BICC1: variants seen among roughly 807,000 people sequenced by gnomAD.
BICC1 encodes protein bicaudal C homolog 1.
BICC1 carries 43 observed loss-of-function variants against 111.0 expected under a neutral mutation model. The observed-to-expected ratio is 0.39, with a 90% CI of 0.30 to 0.50. The LOEUF (loss-of-function observed/expected upper bound fraction) is 0.50, where lower values mean the gene tolerates loss of function less well. Among genes scored for constraint, BICC1 ranks in the 20% least tolerant of loss-of-function variants. The pLI is 0.88. For synonymous variants in BICC1, 467 were observed against 434.4 expected, an observed-to-expected ratio of 1.07 and a Z score of -0.93; for missense variants, 1,091 against 1,203.2, an observed-to-expected ratio of 0.91 and a Z score of 1.38.
chr10:58,646,796 T>TA (rs1388430240), intron 2 of BICC1, among the ~76,000 whole-genome samples: 1 of 151,806 alleles, frequency 6.6e-6, no homozygotes, highest in Non-Finnish European at 1.5e-5. Context: ...TTCCTGATTT[T>TA]TTTTAAATTA....
chr10:58,826,031 T>C (rs1844384848), intron 20 of BICC1, among the ~76,000 whole-genome samples: 1 of 152,064 alleles, frequency 6.6e-6, no homozygotes, highest in African/African-American at 2.4e-5. Flanking sequence ...AAGCCATTGC[T>C]GCAGCTAGAC....
chr10:58,560,483 A>T (rs2131946688), intron 1 of BICC1, among the ~76,000 whole-genome samples: 1 of 150,854 alleles, frequency 6.6e-6, no homozygotes, highest in African/African-American at 2.4e-5. Context: ...TGGTTTATTG[A>T]TTCTGTTTAT....
At chr10:58,793,736 C>A (rs1007870614) in intron 9 of BICC1, 121 bp downstream of exon 9, 5 of 1,089,954 alleles carry the variant, frequency 4.6e-6, no homozygotes, top group Non-Finnish European at 6.5e-6. Context: ...GGTTGAATAT[C>A]CCCAATCCGG....
chr10:58,584,026 A>G (rs1844360056), intron 1 of BICC1, among the ~76,000 whole-genome samples: 1 of 150,338 alleles, frequency 6.7e-6, no homozygotes, highest in African/African-American at 2.5e-5. Context: ...TTGAGTAGTT[A>G]AGTATCTCTA....
At chr10:58,664,108 G>C (rs1340193899) in intron 2 of BICC1, among the ~76,000 whole-genome samples, 2 of 152,148 alleles carry the variant, frequency 1.3e-5, no homozygotes, top group Non-Finnish European at 2.9e-5. Context: ...GCTCATGTAA[G>C]TGTGTGTTTC....
At chr10:58,522,385 C>T (rs1842415566) in intron 1 of BICC1, among the ~76,000 whole-genome samples, 1 of 152,088 alleles carries the variant, frequency 6.6e-6, no homozygotes, top group Non-Finnish European at 1.5e-5. Flanking sequence ...CAAACTAGAA[C>T]TCAGGATTAA....
intron 1 of BICC1, among the ~76,000 whole-genome samples, chr10:58,520,414 C>A (rs750926941): frequency 6.6e-6 from 1 of 152,074 alleles, no homozygotes; most frequent in African/African-American, 2.4e-5. Flanking sequence ...GAGCACAAAA[C>A]CATCATAGAA....
intron 20 of BICC1, chr10:58,823,734 G>C: frequency 3.0e-6 from 3 of 985,132 alleles, no homozygotes; most frequent in African/African-American, 1.7e-5. Flanking sequence ...TTATTCCCCC[G>C]TGAGAAAATG....
chr10:58,621,021 G>GC (rs1845787453), intron 2 of BICC1, 120 bp downstream of exon 2: 2 of 762,206 alleles, frequency 2.6e-6, no homozygotes, highest in African/African-American at 1.8e-5. Flanking sequence ...TTTCTATACG[G>GC]GAGCTGGAAA....
chr10:58,656,978 C>CA (rs1218697145), intron 2 of BICC1, among the ~76,000 whole-genome samples: 1 of 152,094 alleles, frequency 6.6e-6, no homozygotes, highest in Non-Finnish European at 1.5e-5. Context: ...GACAGTGACC[C>CA]AGTCTGGGAT....
chr10:58,627,312 G>A (rs1359535476), intron 2 of BICC1, among the ~76,000 whole-genome samples: 1 of 152,214 alleles, frequency 6.6e-6, no homozygotes, highest in Non-Finnish European at 1.5e-5. Flanking sequence ...CACAAGACAG[G>A]ACCCTGGATT....
At chr10:58,512,607 GAT>G (rs2132478712), upstream of BICC1, among the ~76,000 whole-genome samples, 1 of 152,184 alleles carries the variant, frequency 6.6e-6, no homozygotes, top group South Asian at 2.1e-4. Context: ...GAATTACGTG[GAT>G]ACTCCATGTG....
At chr10:58,534,146 A>G (rs1649077) in intron 1 of BICC1, among the ~76,000 whole-genome samples, 69,694 of 151,582 alleles carry the variant, frequency 0.46, 17,074 homozygotes, top group Admixed American at 0.62. Context: ...AGACAAAAAT[A>G]GACTTTATAG....
intron 3 of BICC1, among the ~76,000 whole-genome samples, chr10:58,704,464 A>AT (rs1207220774): frequency 1.3e-5 from 2 of 152,128 alleles, no homozygotes; most frequent in Non-Finnish European, 2.9e-5. Context: ...TACCTATATT[A>AT]TTTTTTAAAT....
chr10:58,631,758 C>T (rs2132175212), intron 2 of BICC1, among the ~76,000 whole-genome samples: 1 of 152,196 alleles, frequency 6.6e-6, no homozygotes, highest in African/African-American at 2.4e-5. Flanking sequence ...AAGAAGAAAA[C>T]AAAACAGAAA....
intron 14 of BICC1, 84 bp downstream of exon 14, chr10:58,801,130 T>G (rs1843534338): frequency 8.1e-7 from 1 of 1,227,406 alleles, no homozygotes; most frequent in Non-Finnish European, 1.1e-6. Context: ...TACTCTTTGA[T>G]TCAAGTCATG....
At chr10:58,786,469 A>G (rs920980079) in intron 4 of BICC1, among the ~76,000 whole-genome samples, 1 of 152,154 alleles carries the variant, frequency 6.6e-6, no homozygotes, top group African/African-American at 2.4e-5. Context: ...AAACTTTCTT[A>G]TTCACAGTTT....
At chr10:58,709,777 CCTT>C in intron 3 of BICC1, among the ~76,000 whole-genome samples, 1 of 152,278 alleles carries the variant, frequency 6.6e-6, no homozygotes, top group African/African-American at 2.4e-5. Context: ...TGTGACTAAA[CCTT>C]CTTTAGTGGT....
intron 3 of BICC1, among the ~76,000 whole-genome samples, chr10:58,718,466 C>A (rs904987162): frequency 2.0e-5 from 3 of 152,112 alleles, no homozygotes; most frequent in Non-Finnish European, 4.4e-5. Context: ...GACTGTAGCA[C>A]TTGTTCATCT....
Sources: gnomAD v4.1 joint callset for allele counts (sites outside exome capture counted in the v4.1 genomes callset) on GRCh38, gnomAD v4.1.1 for gene constraint, MANE v1.5 for transcripts, NCBI Gene and HGNC (gene_info 2026-07-23, HGNC 2026-07-21) for gene names.